The following NEIL3 variants were observed in gnomAD, a reference collection of about 807,000 sequenced individuals.
NEIL3 encodes nei like DNA glycosylase 3.
A neutral mutation model predicts 57.5 loss-of-function variants in NEIL3; 48 were observed. The observed-to-expected ratio is 0.83, with a 90% confidence interval of 0.66 to 1.06. The LOEUF is 1.06. Among genes scored for constraint, NEIL3 ranks in the 50% least tolerant of loss-of-function variants. The pLI is 0.00. For synonymous variants in NEIL3, 261 were observed against 253.2 expected (o/e 1.03, Z -0.29); for missense variants, 717 against 739.1 (o/e 0.97, Z 0.35).
intron 2 of NEIL3, among the ~76,000 whole-genome samples, chr4:177,334,822 T>G (rs529615353): frequency 1.3e-5 from 2 of 152,348 alleles, no homozygotes; most frequent in East Asian, 3.9e-4. Flanking sequence ...TCAACAAAGC[T>G]ATGAGGAGAA....
In NEIL3 at chr4:177,341,516, T is replaced by A; in HGVS notation, c.743T>A (p.Val248Asp). The change falls in exon 6 of 10, where the codon GTT becomes GAT. Residue 248 changes from valine (V) to aspartate (D), a missense_variant. Physicochemically the swap from Val to Asp is radical, Grantham distance 152 (BLOSUM62 -3). Transcript: ENST00000264596. ...CTTGCTCTCTCTAAACACTATAAGG[T>A]TTACAAGCGTCCTAATTGTGGTCAG... ...AGLALSKHYK[V>D]YKRPNCGQCH... 2.5e-6 allele frequency: 4 copies of A among 1,613,392 alleles called. No homozygotes were observed. Among genetic ancestry groups the A allele is most frequent in the Non-Finnish European group, 3.4e-6 (4 of 1,179,800 alleles).
rs780928172 is a variant in NEIL3 at position 177,336,129 on chromosome 4, G to A, written c.435G>A (p.Gln145=). The stretch of plus-strand genomic sequence containing the variant: ...ATAGAAACTCAATGGAAAGCCAACA[G>A]AGAATAAGAATGATGAAAGAATTAG... ...VELRNSMESQ[Q]RIRMMKELDV... Residue 145 remains glutamine, a synonymous_variant, in exon 4 of 10, where the codon CAG becomes CAA. Transcript: ENST00000264596. The A allele has an allele frequency of 9.3e-6, 15 of 1,612,216 alleles. 1 individual carries two copies. The East Asian group carries it at 1.3e-4, about 14-fold the overall frequency.
rs932978379 is a variant in NEIL3, at chr4:177,358,488, G to A, written c.1461-2015G>A. On this transcript the variant is annotated intron_variant, in intron 8 of 9. Transcript: ENST00000264596. ...ACGCCCAGCTAATTTTCTATTTTTAGTCGAGACGGGGTTTCACCATGTTGG... is the reference window on the plus strand; with the variant it reads ...ACGCCCAGCTAATTTTCTATTTTTAATCGAGACGGGGTTTCACCATGTTGG... 2.6e-5 allele frequency among the ~76,000 whole-genome samples: 4 copies of A among 151,994 alleles called. No individual in the cohort carries two copies. The East Asian group carries it at 5.8e-4, about 22-fold the overall frequency.
the NEIL3 span, among the ~76,000 whole-genome samples, chr4:177,369,955 C>G: frequency 6.6e-6 from 1 of 152,110 alleles, no homozygotes; most frequent in African/African-American, 2.4e-5. Flanking sequence ...AACTATTCTC[C>G]TGGAATGTTT....
intron 1 of NEIL3, among the ~76,000 whole-genome samples, chr4:177,317,745 G>T (rs1734602426): frequency 1.3e-5 from 2 of 151,680 alleles, no homozygotes; most frequent in Admixed American, 1.3e-4. Flanking sequence ...GGGATTACAG[G>T]CATGCACCAC....
At chr4:177,334,963 G>A (rs927123760) in intron 2 of NEIL3, among the ~76,000 whole-genome samples, 17 of 152,090 alleles carry the variant, frequency 1.1e-4, no homozygotes, top group African/African-American at 4.1e-4. Context: ...GAAAGGTTAC[G>A]AATTTTTCAT....
At chr4:177,352,942 T>A (rs1735390340) in intron 7 of NEIL3, among the ~76,000 whole-genome samples, 1 of 152,220 alleles carries the variant, frequency 6.6e-6, no homozygotes, top group South Asian at 2.1e-4. Context: ...CTCTAACTGC[T>A]GACCTAAAGC....
chr4:177,312,566 C>T (rs1578983658), intron 1 of NEIL3, among the ~76,000 whole-genome samples: 1 of 152,152 alleles, frequency 6.6e-6, no homozygotes, highest in Admixed American at 6.5e-5. Context: ...CAAAAGAGTG[C>T]AGCCTGATAA....
intron 6 of NEIL3, among the ~76,000 whole-genome samples, chr4:177,349,002 G>A (rs1395521411): frequency 6.7e-6 from 1 of 149,392 alleles, no homozygotes; most frequent in African/African-American, 2.5e-5. Context: ...CGAGTAGCTG[G>A]GACTACAGGC....
At chr4:177,357,940 T>C (rs1365516702) in intron 8 of NEIL3, among the ~76,000 whole-genome samples, 3 of 152,240 alleles carry the variant, frequency 2.0e-5, no homozygotes, top group Admixed American at 6.5e-5. Flanking sequence ...AAATCTGCTA[T>C]ATTTTAGAAA....
At chr4:177,339,363 C>T (rs996957106) in intron 4 of NEIL3, among the ~76,000 whole-genome samples, 4 of 152,104 alleles carry the variant, frequency 2.6e-5, no homozygotes, top group Middle Eastern at 3.2e-3. Context: ...GAGGCTGAGG[C>T]GGAAGGATGG....
chr4:177,332,345 G>A (rs903314028), intron 2 of NEIL3, among the ~76,000 whole-genome samples: 19 of 145,512 alleles, frequency 1.3e-4, no homozygotes, highest in Non-Finnish European at 3.0e-4. Flanking sequence ...ACCTTCAACA[G>A]GCCAGGGTAC....
Position 177,336,099 on chromosome 4 carries a change from T to C in NEIL3, c.414-9T>C. 1 of 1,592,846 alleles carries C rather than the reference T, an allele frequency of 6.3e-7. No homozygotes were observed. Among genetic ancestry groups the C allele is most frequent in the Non-Finnish European group, 8.6e-7 (1 of 1,161,274 alleles). On this transcript the variant is annotated splice_polypyrimidine_tract_variant and intron_variant, in intron 3 of 9. Coordinates refer to ENST00000264596, the MANE Select transcript of NEIL3 (RefSeq NM_018248.3). ...TTATGATTAATGTGTTTTATATTCC[T>C]TTCTATAGAAACTCAATGGAAAGCC...
At chr4:177,327,557 T>C (rs1028088575) in intron 2 of NEIL3, among the ~76,000 whole-genome samples, 1 of 152,106 alleles carries the variant, frequency 6.6e-6, no homozygotes, top group African/African-American at 2.4e-5. Flanking sequence ...ATGCATTAAG[T>C]GTTTGTCCTA....
intron 1 of NEIL3, among the ~76,000 whole-genome samples, chr4:177,316,565 G>A (rs1734578463): frequency 6.6e-6 from 1 of 152,088 alleles, no homozygotes; most frequent in Non-Finnish European, 1.5e-5. Flanking sequence ...ATTTTGCCAA[G>A]ATATCTTGGG....
intron 8 of NEIL3, among the ~76,000 whole-genome samples, chr4:177,359,245 G>A (rs1327395050): frequency 1.3e-5 from 2 of 152,184 alleles, no homozygotes; most frequent in African/African-American, 2.4e-5. Context: ...TAATGGTGAC[G>A]ATTGATTTAG....
At chr4:177,320,932 G>A (rs1022945777) in intron 1 of NEIL3, among the ~76,000 whole-genome samples, 1 of 151,476 alleles carries the variant, frequency 6.6e-6, no homozygotes, top group South Asian at 2.1e-4. Context: ...ACCTTGAATG[G>A]GTTTAGTGGA....
intron 4 of NEIL3, 38 bp from the exon 5 acceptor site, chr4:177,339,745 G>C (rs1300596198): frequency 1.5e-6 from 2 of 1,368,522 alleles, no homozygotes; most frequent in Non-Finnish European, 2.1e-6. Flanking sequence ...TAATGAGCAA[G>C]TCATGAAACT....
rs748228084 is a variant in NEIL3 at position 177,353,719 on chromosome 4, A to G, written c.1451A>G (p.Tyr484Cys). 8.1e-6 allele frequency: 13 copies of G among 1,607,736 alleles called. 1 individual carries two copies. The South Asian group carries it at 1.4e-4, about 18-fold the overall frequency. ...GAGCTTAAAAGCTGCAACCCTGGAT[A>G]TTCTAACAGGTATGATGCTTTTAAC... ...SPELKSCNPG[Y>C]SNSELQINMT... The change falls in exon 8 of 10, where the codon TAT (tyrosine) becomes TGT (cysteine). Residue 484 changes from tyrosine to cysteine, a missense_variant. Coordinates refer to ENST00000264596, the MANE Select transcript of NEIL3 (RefSeq NM_018248.3).
Sources: gnomAD v4.1 joint callset for allele counts (sites outside exome capture counted in the v4.1 genomes callset) on GRCh38, gnomAD v4.1.1 for gene constraint, MANE v1.5 for transcripts, NCBI Gene and HGNC (gene_info 2026-07-23, HGNC 2026-07-21) for gene names.